CLK1: variants seen among roughly 807,000 people sequenced by gnomAD.
The protein encoded by CLK1 is CDC like kinase 1, also known as dual specificity protein kinase CLK1.
CLK1 carries 40 observed loss-of-function variants against 60.9 expected under a neutral mutation model. The observed-to-expected ratio is 0.66, with a 90% CI of 0.51 to 0.86. CLK1 has a LOEUF of 0.86. CLK1 is among the 40% of genes least tolerant of loss of function. The pLI is 0.00. For synonymous variants in CLK1, 203 were observed against 184.4 expected (o/e 1.10, Z -0.82); for missense variants, 563 against 606.1 (o/e 0.93, Z 0.75).
chr2:200,854,061 A>G, intron 11 of CLK1, 68 bp from the exon 12 acceptor site: 1 of 999,968 alleles, frequency 1.0e-6, no homozygotes, highest in Non-Finnish European at 1.5e-6. Flanking sequence ...CAAAGGTATC[A>G]ATTACTATGC....
At chr2:200,858,465 G>A (rs1307151898) in intron 5 of CLK1, among the ~76,000 whole-genome samples, 1 of 152,194 alleles carries the variant, frequency 6.6e-6, no homozygotes, top group Non-Finnish European at 1.5e-5. Context: ...GGGAGGCCGA[G>A]GGTAGTAAAT....
chr2:200,864,070 C>T, intron 1 of CLK1: 1 of 1,542,796 alleles, frequency 6.5e-7, no homozygotes, highest in South Asian at 1.2e-5. Context: ...TAACTGTAAC[C>T]CCTACGGGTT....
chr2:200,857,548 G>A (rs1270683005), intron 7 of CLK1, 170 bp downstream of exon 7: 2 of 533,036 alleles, frequency 3.8e-6, no homozygotes, highest in Non-Finnish European at 6.4e-6. Flanking sequence ...CCTACTTGCT[G>A]AATGAAATGT....
Position 200,855,208 on chromosome 2 carries a change from G to A in CLK1, c.1058-122C>T, listed in dbSNP as rs760577178. On this transcript the variant is annotated intron_variant, in intron 9 of 12. Transcript: ENST00000321356. ...CATGTAATGTAGGCTGGGCACAGTG[G>A]CTCACACCTGTAATCCCAGCACTTT... 14 of 675,140 alleles carry A rather than the reference G, an allele frequency of 2.1e-5. No individual in the cohort carries two copies. The Admixed American group carries it at 4.1e-4, about 20-fold the overall frequency. The allele number at this position is 675,140 out of a possible 1,614,324, so 41.8% of individuals were successfully genotyped here. A position where few individuals can be genotyped will look rare whatever the true frequency, so the allele number is the denominator to read the frequency against.
At chr2:200,864,388 G>C (rs1303036085) in intron 1 of CLK1, 176 bp downstream of exon 1, 3 of 1,000,110 alleles carry the variant, frequency 3.0e-6, no homozygotes, top group African/African-American at 1.7e-5. Context: ...GACAGGCTCG[G>C]CCGCGCAGGA....
chr2:200,859,622 A>G (rs2039101871), intron 5 of CLK1, 58 bp downstream of exon 5: 1 of 1,403,396 alleles, frequency 7.1e-7, no homozygotes, highest in East Asian at 2.3e-5. Context: ...TTCTAAAGCT[A>G]AATCAATTAC....
intron 7 of CLK1, chr2:200,857,221 A>C: frequency 2.1e-6 from 1 of 486,810 alleles, no homozygotes; most frequent in South Asian, 2.4e-5. Context: ...CAGGAGAATC[A>C]CTTGAACTGG....
chr2:200,853,310 A>C lies in CLK1; in HGVS notation c.1451T>G (p.Ile484Arg). ...GAGAGCTGTCCAATTACAGATCTAT[A>C]TACTTTTCTTCAGAAGGTCAAAGAA... ...HPFFDLLKKS[I>R] is the part of the protein sequence containing the mutation. Residue 484 changes from isoleucine (I) to arginine (R), a missense_variant, in exon 13 of 13, where the codon ATA becomes AGA. Physicochemically the swap from Ile to Arg is moderately conservative, Grantham distance 97 (BLOSUM62 -3). Transcript: ENST00000321356. 6.2e-7 allele frequency: 1 copy of C among 1,609,498 alleles called. No individual in the cohort carries two copies.
At chr2:200,853,569 G>A (rs778770398) in intron 12 of CLK1, 120 bp from the exon 13 acceptor site, 8 of 917,360 alleles carry the variant, frequency 8.7e-6, no homozygotes, top group Non-Finnish European at 1.2e-5. Flanking sequence ...GGCCAGGCAT[G>A]GTCGCTCACG....
At chr2:200,863,966 C>T in intron 1 of CLK1, 3 of 1,031,924 alleles carry the variant, frequency 2.9e-6, no homozygotes, top group South Asian at 4.3e-5. Flanking sequence ...CCCAGCATTT[C>T]TCTTTCCTTG....
At chr2:200,861,590 A>G in intron 2 of CLK1, 112 bp downstream of exon 2, 1 of 1,558,444 alleles carries the variant, frequency 6.4e-7, no homozygotes, top group Non-Finnish European at 8.7e-7. Context: ...AAACCATCAA[A>G]ATCTCTCATT....
At chr2:200,854,485 G>A (rs1448997217) in intron 11 of CLK1, 131 bp downstream of exon 11, 26 of 589,550 alleles carry the variant, frequency 4.4e-5, no homozygotes, top group South Asian at 3.1e-4. Context: ...GCATTGAGCC[G>A]AGGTCACGCC....
At chr2:200,853,544 T>C in intron 12 of CLK1, 95 bp from the exon 13 acceptor site, 3 of 1,197,976 alleles carry the variant, frequency 2.5e-6, no homozygotes, top group African/African-American at 1.6e-5. Flanking sequence ...ATAACCACCA[T>C]AAAAACAGAA....
At position 200,856,809 on chromosome 2, in the gene CLK1, T is replaced by A; in HGVS notation, c.930A>T (p.Lys310Asn). 2 of 1,612,832 alleles carry A rather than the reference T, an allele frequency of 1.2e-6. No homozygotes were observed. The highest frequency in any genetic ancestry group is 1.7e-6 in the Non-Finnish European group (2 of 1,179,416). The change falls in exon 9 of 13, where the codon AAA (lysine) becomes AAT (asparagine). Residue 310 changes from lysine (K) to asparagine (N), a missense_variant and splice_region_variant. Physicochemically the swap from Lys to Asn is moderately conservative, Grantham distance 94. Around this residue, in one of 3 missense-constraint regions of CLK1, gnomAD observed 360 missense variants for 407.0 expected, o/e 0.88. Transcript: ENST00000321356. ...DYTEAYNPKI[K>N]RDERTLINPD... The stretch of plus-strand genomic sequence containing the variant: ...GATTTATTAAGGTGCGTTCATCACG[T>A]TTCTGAAAATCATAAATGATGGTTA...
At chr2:200,861,106 G>GA (rs1371574242) in intron 3 of CLK1, 132 bp downstream of exon 3, 1 of 1,469,688 alleles carries the variant, frequency 6.8e-7, no homozygotes, top group Non-Finnish European at 9.0e-7. Flanking sequence ...CACAAACACA[G>GA]AAAAAATCCT....
intron 2 of CLK1, 96 bp from the exon 3 acceptor site, chr2:200,861,562 T>C: frequency 6.4e-7 from 1 of 1,559,412 alleles, no homozygotes; most frequent in Non-Finnish European, 8.6e-7. Context: ...ACAAGCAGCT[T>C]AATTTTACAA....
chr2:200,861,906 C>A (rs749499982), intron 1 of CLK1, 44 bp from the exon 2 acceptor site: 1 of 1,570,588 alleles, frequency 6.4e-7, no homozygotes, highest in South Asian at 1.1e-5. Context: ...GTACCCCACA[C>A]TGAGCTGTTT....
rs140395525 is a variant in CLK1, at chr2:200,858,825, A to G, written c.549-736T>C. 4.4e-3 allele frequency among the ~76,000 whole-genome samples: 629 copies of G among 142,884 alleles called. 9 individuals carry two copies. Among genetic ancestry groups the G allele is most frequent in the African/African-American group, 0.016 (591 of 37,532 alleles). 93.7% of individuals were successfully genotyped at this position (142,884 alleles called of 152,430 possible). A position where few individuals can be genotyped will look rare whatever the true frequency, so the allele number is the denominator to read the frequency against. ...GAACAATAACAACAACAACAACAAC[A>G]ACAACAAACAGGGAACTAAAAAAAA... On this transcript the variant is annotated intron_variant, in intron 5 of 12. Coordinates refer to ENST00000321356, the MANE Select transcript of CLK1 (RefSeq NM_004071.4).
chr2:200,854,302 G>A (rs2039002422), intron 11 of CLK1, among the ~76,000 whole-genome samples: 1 of 152,062 alleles, frequency 6.6e-6, no homozygotes, highest in Admixed American at 6.6e-5. Flanking sequence ...TTGGGAGGCC[G>A]AGGTGGGCGG....
Sources: allele counts gnomAD v4.1 joint callset (sites outside exome capture counted in the v4.1 genomes callset), GRCh38; gene constraint gnomAD v4.1.1; regional missense constraint gnomAD v4.1.1; transcripts MANE v1.5; gene names NCBI Gene and HGNC (gene_info 2026-07-23, HGNC 2026-07-21).